CFAP20DC: variants seen among roughly 807,000 people sequenced by gnomAD.
CFAP20DC encodes the protein CFAP20 domain containing.
A neutral mutation model predicts 101.7 loss-of-function variants in CFAP20DC; 84 were observed. The observed-to-expected ratio is 0.83, with a 90% confidence interval of 0.69 to 0.99. The LOEUF is 0.99. Ranked by LOEUF, CFAP20DC falls within the 50% of genes least tolerant of loss-of-function variation. The pLI is 0.00. For missense variants in CFAP20DC, 1,007 were observed against 970.3 expected (o/e 1.04, Z -0.50); for synonymous variants, 359 against 351.2 (o/e 1.02, Z -0.25).
intron 13 of CFAP20DC, among the ~76,000 whole-genome samples, chr3:58,840,030 G>A (rs908094171): frequency 2.0e-5 from 3 of 152,260 alleles, no homozygotes; most frequent in Middle Eastern, 3.4e-3. Flanking sequence ...CCAGGGTTCC[G>A]TCTGAAAAAT....
rs187322451 is a variant in CFAP20DC at position 58,799,153 on chromosome 3, G to T, written c.2237+7242C>A. 2.0e-5 allele frequency among the ~76,000 whole-genome samples: 3 copies of T among 152,006 alleles called. No homozygotes were observed. Among genetic ancestry groups the T allele is most frequent in the Admixed American group, 1.3e-4 (2 of 15,254 alleles). On this transcript the variant is annotated intron_variant, in intron 15 of 16. Transcript: ENST00000482387. This position sits in a 1 kb window ranked among gnomAD's most constrained non-coding sequence, Gnocchi z 4.9. ...TACCCAGATTCTATTAGCCTGGTGA[G>T]AACTGAGTACACCTTCTGCAGCAGT...
chr3:58,990,365 G>A (rs373132634), intron 4 of CFAP20DC, among the ~76,000 whole-genome samples: 206 of 152,202 alleles, frequency 1.4e-3, no homozygotes, highest in African/African-American at 4.6e-3. Context: ...TTTTGTATAC[G>A]TGTATTAAAA....
rs989520618 is a variant in CFAP20DC at position 58,874,667 on chromosome 3, T to C, written c.716-4358A>G. ...TGACCTTTATGCCTCAGTTCACATATCATTTCCTCAGACAAGTCTTTGCAG... is the reference window on the plus strand; with the variant it reads ...TGACCTTTATGCCTCAGTTCACATACCATTTCCTCAGACAAGTCTTTGCAG... On this transcript the variant is annotated intron_variant, in intron 7 of 16. Coordinates refer to ENST00000482387, the MANE Select transcript of CFAP20DC (RefSeq NM_001394063.1). The surrounding 1 kb of genome is among the most constrained non-coding windows in gnomAD (Gnocchi z 5.1). 2.0e-5 allele frequency among the ~76,000 whole-genome samples: 3 copies of C among 152,192 alleles called. No homozygotes were observed. Among genetic ancestry groups the C allele is most frequent in the Non-Finnish European group, 2.9e-5 (2 of 68,036 alleles).
intron 13 of CFAP20DC, among the ~76,000 whole-genome samples, chr3:58,833,473 G>C (rs1320547282): frequency 6.6e-6 from 1 of 152,080 alleles, no homozygotes; most frequent in Non-Finnish European, 1.5e-5. Flanking sequence ...CACATACAAA[G>C]ATGTTCAACA....
intron 4 of CFAP20DC, among the ~76,000 whole-genome samples, chr3:59,008,917 T>C (rs1008812006): frequency 6.6e-6 from 1 of 151,270 alleles, no homozygotes; most frequent in Non-Finnish European, 1.5e-5. Flanking sequence ...GTGTACACCA[T>C]GAGAGAACAA....
intron 4 of CFAP20DC, among the ~76,000 whole-genome samples, chr3:58,982,108 T>C (rs1161149022): frequency 6.6e-6 from 1 of 151,984 alleles, no homozygotes; most frequent in Non-Finnish European, 1.5e-5. Flanking sequence ...CATGAAAAAA[T>C]GCTCACCATC....
At chr3:58,890,358 G>T in intron 6 of CFAP20DC, among the ~76,000 whole-genome samples, 1 of 138,634 alleles carries the variant, frequency 7.2e-6, no homozygotes, top group Middle Eastern at 4.5e-3. Context: ...GGGCAGAGGG[G>T]CTCCTCACTT....
At position 58,913,950 on chromosome 3, in the gene CFAP20DC, T is replaced by C. The variant is rs75812923; in HGVS notation, c.394-86A>G. 601 of 1,405,336 alleles carry C rather than the reference T, an allele frequency of 4.3e-4. 4 individuals are homozygous for C. The African/African-American group carries it at 8.0e-3, about 19-fold the overall frequency. The allele number at this position is 1,405,336 out of a possible 1,614,324, so 87.1% of individuals were successfully genotyped here. A position where few individuals can be genotyped will look rare whatever the true frequency, so the allele number is the denominator to read the frequency against. On this transcript the variant is annotated intron_variant, in intron 5 of 16. Transcript: ENST00000482387. The surrounding 1 kb of genome is among the most constrained non-coding windows in gnomAD (Gnocchi z 4.4). ...CATCTATATGTAGACATTCAAAGAG[T>C]TGAGGCAGTTATCCTGATCAACAAG...
At chr3:59,047,112 CTTCACTCACAT>C in intron 2 of CFAP20DC, 42 bp downstream of exon 2, 2 of 1,170,048 alleles carry the variant, frequency 1.7e-6, no homozygotes, top group Non-Finnish European at 2.4e-6. Context: ...CTTCTATAAG[CTTCACTCACAT>C]TTCTTCCCCT....
At chr3:58,950,498 TG>T (rs1177750385) in intron 4 of CFAP20DC, among the ~76,000 whole-genome samples, 1 of 152,198 alleles carries the variant, frequency 6.6e-6, no homozygotes, top group Non-Finnish European at 1.5e-5. Context: ...TCATGCTACC[TG>T]ACTTCAAACT....
intron 2 of CFAP20DC, 117 bp from the exon 3 acceptor site, chr3:59,046,439 G>T (rs944888722): frequency 8.9e-6 from 6 of 671,872 alleles, no homozygotes; most frequent in African/African-American, 1.9e-5. Flanking sequence ...TAACTTAAAA[G>T]CAGGCTCAGG....
intron 15 of CFAP20DC, among the ~76,000 whole-genome samples, chr3:58,767,533 C>T (rs2070430967): frequency 1.3e-5 from 2 of 152,118 alleles, no homozygotes; most frequent in South Asian, 4.1e-4. Flanking sequence ...AAGTTGGGAA[C>T]TCTTTTGCAT....
At chr3:58,725,829 A>G (rs2067541835) in intron 3 of CFAP20DC, 1 of 214,756 alleles carries the variant, frequency 4.7e-6, no homozygotes, top group Non-Finnish European at 9.4e-6. Context: ...TTCATCTCCA[A>G]CTCAGGCATC....
intron 15 of CFAP20DC, among the ~76,000 whole-genome samples, chr3:58,760,439 GATGATGGGGTTTTCTAGAT>G (rs2069446021): frequency 6.6e-6 from 1 of 152,182 alleles, no homozygotes; most frequent in Non-Finnish European, 1.5e-5. Context: ...TTTGGGCTGA[GATGATGGGGTTTTCTAGAT>G]ATACAATCAT....
rs1267122783 is a variant in CFAP20DC, at chr3:58,729,960, G to A, written c.198-12332C>T. On this transcript the variant is annotated intron_variant, in intron 3 of 3. Coordinates refer to the CFAP20DC transcript ENST00000486145. This position sits in a 1 kb window ranked among gnomAD's most constrained non-coding sequence, Gnocchi z 4.4. ...TTGAACCCAGGAGGCAGAGGTTGTG[G>A]TGAACTGAGATCACGCCATTGCATT... is the stretch of plus-strand genomic sequence containing the variant. Among the ~76,000 whole-genome samples, 1 of 150,252 alleles carries A rather than the reference G, an allele frequency of 6.7e-6. No homozygotes were observed. The highest frequency in any genetic ancestry group is 2.5e-5 in the African/African-American group (1 of 40,460).
At chr3:59,025,963 T>A (rs957416793) in intron 4 of CFAP20DC, among the ~76,000 whole-genome samples, 1 of 152,150 alleles carries the variant, frequency 6.6e-6, no homozygotes, top group African/African-American at 2.4e-5. Flanking sequence ...CATAAACATA[T>A]GTTTAATAGA....
At chr3:58,960,270 A>C (rs1418346512) in intron 4 of CFAP20DC, among the ~76,000 whole-genome samples, 1 of 152,060 alleles carries the variant, frequency 6.6e-6, no homozygotes, top group Admixed American at 6.6e-5. Context: ...AGGTGGGTGG[A>C]TCACCTGAGG....
rs1389883251 is a variant in CFAP20DC, at chr3:58,964,473, T to C, written c.279-26711A>G. ...GTTGAATATGTATATTTGGTTAACC[T>C]GGTCCACTTAAATTCCTATCTTATC... On this transcript the variant is annotated intron_variant, in intron 4 of 16. Coordinates refer to ENST00000482387, the MANE Select transcript of CFAP20DC (RefSeq NM_001394063.1). This position sits in a 1 kb window ranked among gnomAD's most constrained non-coding sequence, Gnocchi z 4.1. Among the ~76,000 whole-genome samples the C allele has an allele frequency of 6.6e-6, 1 of 152,220 alleles. No homozygotes were observed. The highest frequency in any genetic ancestry group is 1.5e-5 in the Non-Finnish European group (1 of 68,040).
At chr3:58,990,663 C>T (rs112383007) in intron 4 of CFAP20DC, among the ~76,000 whole-genome samples, 3 of 152,118 alleles carry the variant, frequency 2.0e-5, no homozygotes, top group African/African-American at 7.2e-5. Context: ...TCTCTAAAAT[C>T]TGAAACTTTT....
Sources: allele counts gnomAD v4.1 joint callset (sites outside exome capture counted in the v4.1 genomes callset), GRCh38; gene constraint gnomAD v4.1.1; non-coding constraint Gnocchi (gnomAD v3.1); transcripts MANE v1.5; gene names NCBI Gene and HGNC (gene_info 2026-07-23, HGNC 2026-07-21).